The following CHST8 variants were observed in gnomAD, a reference collection of about 807,000 sequenced individuals.
The protein encoded by CHST8 is carbohydrate sulfotransferase 8.
Under a neutral mutation model 15.0 loss-of-function variants are expected in CHST8, and 10 were observed. The observed-to-expected ratio is 0.67, with a 90% CI of 0.41 to 1.13. CHST8 has a LOEUF of 1.13. Among genes scored for constraint, CHST8 ranks in the 50% most tolerant of loss-of-function variants. CHST8 has a pLI of 0.00. For synonymous variants in CHST8, 259 were observed against 256.6 expected (o/e 1.01, Z -0.09); for missense variants, 634 against 608.2 (o/e 1.04, Z -0.45).
intron 1 of CHST8, among the ~76,000 whole-genome samples, chr19:33,631,391 C>T (rs1972120542): frequency 6.6e-6 from 1 of 152,094 alleles, no homozygotes; most frequent in African/African-American, 2.4e-5. Flanking sequence ...GCACTGGGAT[C>T]GCACGTGGAT....
intron 3 of CHST8, among the ~76,000 whole-genome samples, chr19:33,747,359 G>A (rs142678562): frequency 1.6e-3 from 241 of 152,236 alleles, no homozygotes; most frequent in African/African-American, 5.3e-3. Flanking sequence ...TCTGGAAGGC[G>A]ACACCTTCCC....
At chr19:33,641,324 G>C (rs1235726662) in intron 1 of CHST8, among the ~76,000 whole-genome samples, 1 of 152,196 alleles carries the variant, frequency 6.6e-6, no homozygotes, top group Admixed American at 6.5e-5. Flanking sequence ...CAGGATTGCT[G>C]TTTCTGGCCC....
intron 3 of CHST8, among the ~76,000 whole-genome samples, chr19:33,771,099 C>T (rs1313840419): frequency 6.6e-6 from 1 of 152,146 alleles, no homozygotes; most frequent in African/African-American, 2.4e-5. Flanking sequence ...GGCTGCTCCA[C>T]AGGGCAGGTA....
At chr19:33,637,859 G>GA (rs566331956) in intron 1 of CHST8, among the ~76,000 whole-genome samples, 1,138 of 75,276 alleles carry the variant, frequency 0.015, 12 homozygotes, top group Non-Finnish European at 0.023. Flanking sequence ...TATCTCTTAA[G>GA]AAAAAAAAAA....
intron 3 of CHST8, among the ~76,000 whole-genome samples, chr19:33,739,331 C>T (rs563742018): frequency 6.6e-6 from 1 of 152,318 alleles, no homozygotes; most frequent in South Asian, 2.1e-4. Context: ...AGCACAACAT[C>T]CCCTGCCCTG....
At chr19:33,639,405 G>T (rs2145445306) in intron 1 of CHST8, among the ~76,000 whole-genome samples, 1 of 152,294 alleles carries the variant, frequency 6.6e-6, no homozygotes, top group South Asian at 2.1e-4. Flanking sequence ...TGTGGGGGCT[G>T]CAGAGGTGGC....
chr19:33,762,265 C>A (rs1974747743), intron 3 of CHST8, among the ~76,000 whole-genome samples: 1 of 152,200 alleles, frequency 6.6e-6, no homozygotes, highest in South Asian at 2.1e-4. Flanking sequence ...GCTCAGGACT[C>A]CCCTTCCCAA....
At chr19:33,755,334 G>A (rs1487096996) in intron 3 of CHST8, among the ~76,000 whole-genome samples, 3 of 152,180 alleles carry the variant, frequency 2.0e-5, no homozygotes, top group African/African-American at 4.8e-5. Context: ...GCTAGCAGCC[G>A]TCGTAAGCAT....
intron 3 of CHST8, among the ~76,000 whole-genome samples, chr19:33,707,341 A>AC (rs1973467305): frequency 6.6e-6 from 1 of 151,996 alleles, no homozygotes; most frequent in Admixed American, 6.5e-5. Flanking sequence ...CGCATGAGCC[A>AC]CCTAGCCTGA....
At chr19:33,648,787 G>A (rs59422992) in intron 1 of CHST8, among the ~76,000 whole-genome samples, 14,028 of 150,748 alleles carry the variant, frequency 0.093, 746 homozygotes, top group East Asian at 0.23. Flanking sequence ...ATTAATAATC[G>A]CCAAAAGGTA....
rs1365725815 is a variant in CHST8 at position 33,757,605 on chromosome 19, A to AAAGAAAGAAAGAAAGG, written c.131-13808_131-13807insAAGAAAGAAAGAAAGG. The stretch of plus-strand genomic sequence containing the variant: ...GAAAGAAAGAAAGAAAGAAAGAAAG[A>AAAGAAAGAAAGAAAGG]GCCGGCCATTCAGAAGGGAGCAGAA... On this transcript the variant is annotated intron_variant, in intron 3 of 4. Coordinates refer to ENST00000650847, the MANE Select transcript of CHST8 (RefSeq NM_001127895.2). Among the ~76,000 whole-genome samples, 151 of 112,968 alleles carry AAAGAAAGAAAGAAAGG rather than the reference A, an allele frequency of 1.3e-3. 28 individuals carry two copies. The highest frequency in any genetic ancestry group is 5.1e-3 in the African/African-American group (139 of 27,456). 74.1% of individuals were successfully genotyped at this position (112,968 alleles called of 152,430 possible).
At chr19:33,630,171 C>G (rs144351344) in intron 1 of CHST8, among the ~76,000 whole-genome samples, 2,250 of 152,346 alleles carry the variant, frequency 0.015, 21 homozygotes, top group Non-Finnish European at 0.022. Context: ...CATCCAGGCA[C>G]CCAGCAAACA....
intron 2 of CHST8, among the ~76,000 whole-genome samples, chr19:33,683,365 T>C (rs2145247806): frequency 6.6e-6 from 1 of 152,340 alleles, no homozygotes; most frequent in Admixed American, 6.5e-5. Flanking sequence ...GTATTTGTCT[T>C]CAAGCTCTGT....
intron 3 of CHST8, among the ~76,000 whole-genome samples, chr19:33,732,447 C>G (rs1043227391): frequency 6.6e-6 from 1 of 151,738 alleles, no homozygotes; most frequent in Non-Finnish European, 1.5e-5. Flanking sequence ...CCACCTGCAC[C>G]GCTGGCCAAC....
At chr19:33,755,828 C>T (rs1352881247) in intron 3 of CHST8, among the ~76,000 whole-genome samples, 1 of 152,182 alleles carries the variant, frequency 6.6e-6, no homozygotes, top group Admixed American at 6.5e-5. Context: ...TTCACGGTGA[C>T]CCCAGACGCC....
rs1363841129 is a variant in CHST8 at position 33,621,986 on chromosome 19, G to C, written c.-474G>C. The stretch of plus-strand genomic sequence containing the variant: ...GGGAGCCTTCCCGGCGCGCAAGCCG[G>C]ATCCGGCAGTGCTGCGGGGAGGAGA... On this transcript the variant is annotated 5_prime_UTR_variant, in exon 1 of 5. Coordinates refer to ENST00000650847, the MANE Select transcript of CHST8 (RefSeq NM_001127895.2). The C allele has an allele frequency of 6.6e-6, 1 of 152,072 alleles. No individual in the cohort carries two copies. Among genetic ancestry groups the C allele is most frequent in the South Asian group, 2.0e-4 (1 of 4,916 alleles). The allele number at this position is 152,072 out of a possible 1,614,324, so 9.4% of individuals were successfully genotyped here. A position where few individuals can be genotyped will look rare whatever the true frequency, so the allele number is the denominator to read the frequency against.
intron 1 of CHST8, among the ~76,000 whole-genome samples, chr19:33,646,751 T>A (rs1972360721): frequency 6.6e-6 from 1 of 152,134 alleles, no homozygotes; most frequent in South Asian, 2.1e-4. Context: ...CTGTCTCTAC[T>A]CAAAATACAA....
intron 3 of CHST8, among the ~76,000 whole-genome samples, chr19:33,705,846 GGAGAGGGACCCAAGAGTCCT>G (rs1396789761): frequency 6.6e-6 from 1 of 152,146 alleles, no homozygotes; most frequent in East Asian, 1.9e-4. Flanking sequence ...CCCAGTACTA[GGAGAGGGACCCAAGAGTCCT>G]GAGAGCATTC....
At chr19:33,623,837 C>T (rs1043771486) in intron 1 of CHST8, among the ~76,000 whole-genome samples, 8 of 152,218 alleles carry the variant, frequency 5.3e-5, no homozygotes, top group Non-Finnish European at 1.2e-4. Flanking sequence ...ACCCCAAGCA[C>T]AGAAGGCGGC....
Sources: allele counts gnomAD v4.1 joint callset (sites outside exome capture counted in the v4.1 genomes callset), GRCh38; gene constraint gnomAD v4.1.1; transcripts MANE v1.5; gene names NCBI Gene and HGNC (gene_info 2026-07-23, HGNC 2026-07-21).